LEKR1: variants seen among roughly 807,000 people sequenced by gnomAD.
LEKR1 encodes leucine, glutamate and lysine rich 1.
In LEKR1, 59 loss-of-function variants were observed where a neutral mutation model predicts 72.4. The ratio of observed to expected loss-of-function variants is 0.82; its 90% CI spans 0.66 to 1.01. The LOEUF (loss-of-function observed/expected upper bound fraction) is 1.01, where lower values mean the gene tolerates loss of function less well. Among genes scored for constraint, LEKR1 ranks in the 50% least tolerant of loss-of-function variants. LEKR1 has a pLI of 0.00. For synonymous variants in LEKR1, 257 were observed against 263.2 expected (o/e 0.98, Z 0.23); for missense variants, 728 against 759.2 (o/e 0.96, Z 0.48).
chr3:156,883,982 G>T (rs1218244214), intron 3 of LEKR1, among the ~76,000 whole-genome samples: 2 of 152,000 alleles, frequency 1.3e-5, no homozygotes, highest in Non-Finnish European at 2.9e-5. Context: ...TATATATTTA[G>T]GATTGTGATA....
At chr3:156,915,245 T>C (rs1723517028) in intron 3 of LEKR1, among the ~76,000 whole-genome samples, 1 of 152,168 alleles carries the variant, frequency 6.6e-6, no homozygotes, top group Non-Finnish European at 1.5e-5. Flanking sequence ...GGTAGAATAA[T>C]TTATATTCCT....
chr3:156,873,596 T>C (rs1005335862), intron 3 of LEKR1, among the ~76,000 whole-genome samples: 7 of 152,046 alleles, frequency 4.6e-5, no homozygotes, highest in African/African-American at 1.4e-4. Flanking sequence ...GGTTTTTATA[T>C]TTTGTGTGTG....
chr3:156,986,706 C>T (rs1268810217), intron 7 of LEKR1, among the ~76,000 whole-genome samples: 5 of 152,164 alleles, frequency 3.3e-5, no homozygotes, highest in African/African-American at 1.2e-4. Context: ...AGTTTCTTTT[C>T]TCTTTCTCTT....
chr3:157,045,219 G>C (rs1004304166), intron 12 of LEKR1, 121 bp from the exon 13 acceptor site: 3 of 742,550 alleles, frequency 4.0e-6, no homozygotes, highest in Non-Finnish European at 6.5e-6. Context: ...GAGTGTCATA[G>C]AGACAAAGAA....
intron 6 of LEKR1, among the ~76,000 whole-genome samples, chr3:156,952,469 G>A (rs182278959): frequency 6.6e-6 from 1 of 151,474 alleles, no homozygotes; most frequent in African/African-American, 2.4e-5. Flanking sequence ...CAAAAACGCT[G>A]TCAAAGCTAA....
rs1270549425 is a variant in LEKR1 at position 156,899,369 on chromosome 3, TACATATATAC to T, written c.264-21194_264-21185del. Among the ~76,000 whole-genome samples, 10 of 125,600 alleles carry T rather than the reference TACATATATAC, an allele frequency of 8.0e-5. No individual in the cohort carries two copies. The East Asian group carries it at 2.0e-3, about 25-fold the overall frequency. The allele number at this position is 125,600 out of a possible 152,430, so 82.4% of individuals were successfully genotyped here. On this transcript the variant is annotated intron_variant, in intron 3 of 12. Transcript: ENST00000356539. ...ATATATACATGTATATATACATATA[TACATATATAC>T]ACATATATACATGTATATATACATA...
intron 3 of LEKR1, among the ~76,000 whole-genome samples, chr3:156,905,497 C>T (rs1199565697): frequency 6.6e-6 from 1 of 152,152 alleles, no homozygotes; most frequent in Admixed American, 6.6e-5. Flanking sequence ...AATATTGCTA[C>T]TGTTCTATAC....
At chr3:156,832,742 C>T (rs905047872) in intron 2 of LEKR1, among the ~76,000 whole-genome samples, 37 of 152,222 alleles carry the variant, frequency 2.4e-4, no homozygotes, top group Non-Finnish European at 5.0e-4. Flanking sequence ...TTATTTACTA[C>T]GGGTTAGGAG....
chr3:156,950,204 C>T (rs1279601492), intron 6 of LEKR1, among the ~76,000 whole-genome samples: 1 of 150,740 alleles, frequency 6.6e-6, no homozygotes, highest in Non-Finnish European at 1.5e-5. Flanking sequence ...AGTTACTGCC[C>T]CTTTTTCATT....
chr3:156,989,178 G>T (rs946279905), intron 7 of LEKR1, among the ~76,000 whole-genome samples: 1 of 152,022 alleles, frequency 6.6e-6, no homozygotes. Flanking sequence ...TATCCTGGAC[G>T]TTTTTCCATG....
Position 156,852,987 on chromosome 3 carries a change from A to C in LEKR1, c.263+5A>C, listed in dbSNP as rs1334117316. 17 of 1,515,626 alleles carry C rather than the reference A, an allele frequency of 1.1e-5. No individual in the cohort carries two copies. Among genetic ancestry groups the C allele is most frequent in the Non-Finnish European group, 1.5e-5 (17 of 1,129,588 alleles). The allele number at this position is 1,515,626 out of a possible 1,614,324, so 93.9% of individuals were successfully genotyped here. A position where few individuals can be genotyped will look rare whatever the true frequency, so the allele number is the denominator to read the frequency against. On this transcript the variant is annotated splice_donor_5th_base_variant and intron_variant, in intron 3 of 12. Coordinates refer to ENST00000356539, the MANE Select transcript of LEKR1 (RefSeq NM_001004316.3). ...CAACAAATCCAAAACAGAAAGGTTG[A>C]GTATGTTTTTCTTTTCTATCATTTA...
At chr3:157,012,669 T>G (rs1330712728) in intron 10 of LEKR1, among the ~76,000 whole-genome samples, 5 of 152,060 alleles carry the variant, frequency 3.3e-5, no homozygotes, top group Non-Finnish European at 5.9e-5. Context: ...AGTCACGAAA[T>G]AATAAAAATG....
rs1448729478 is a variant in LEKR1, at chr3:156,961,709, G to C, written c.746-17485G>C. The stretch of plus-strand genomic sequence containing the variant: ...ACTGAGCTGGGATCCAAACAGTTCT[G>C]CTTTCTGGTACTGTTTAGGCCTTGT... On this transcript the variant is annotated intron_variant, in intron 6 of 12. Coordinates refer to ENST00000356539, the MANE Select transcript of LEKR1 (RefSeq NM_001004316.3). Among the ~76,000 whole-genome samples the C allele has an allele frequency of 2.0e-5, 3 of 152,134 alleles. No individual in the cohort carries two copies. In the East Asian group the frequency reaches 5.8e-4, roughly 29 times the overall value.
intron 6 of LEKR1, among the ~76,000 whole-genome samples, chr3:156,963,881 T>C (rs6807801): frequency 0.018 from 2,768 of 152,208 alleles, 94 homozygotes; most frequent in African/African-American, 0.062. Flanking sequence ...AGCATATACA[T>C]TGTTATCATT....
In LEKR1 at chr3:157,045,378, A is replaced by G. The variant is rs751139674; in HGVS notation, c.1707A>G (p.Glu569=). The G allele has an allele frequency of 6.2e-7, 1 of 1,614,080 alleles. No individual in the cohort carries two copies. Among genetic ancestry groups the G allele is most frequent in the East Asian group, 2.2e-5 (1 of 44,878 alleles). The stretch of plus-strand genomic sequence containing the variant: ...AGGAGACAGTGCGTAGAGAATGTGA[A>G]GAACGCTTTGAACTGACAGAGGCTT... The part of the protein sequence containing the change: ...FLQETVRREC[E]ERFELTEALS... Residue 569 remains glutamate (E), a synonymous_variant, in exon 13 of 13, where the codon GAA becomes GAG. Transcript: ENST00000356539.
At chr3:157,040,092 C>T (rs1735242987) in intron 12 of LEKR1, among the ~76,000 whole-genome samples, 1 of 151,868 alleles carries the variant, frequency 6.6e-6, no homozygotes. Context: ...GAAGGGGGCT[C>T]AGACTGGGAG....
At chr3:157,031,113 G>C (rs12636741) in intron 12 of LEKR1, among the ~76,000 whole-genome samples, 3 of 151,952 alleles carry the variant, frequency 2.0e-5, no homozygotes, top group Non-Finnish European at 2.9e-5. Context: ...CGTTTTAAAG[G>C]CTTCCAATCA....
At chr3:156,953,454 T>A (rs1727347006) in intron 6 of LEKR1, among the ~76,000 whole-genome samples, 1 of 151,666 alleles carries the variant, frequency 6.6e-6, no homozygotes, top group South Asian at 2.1e-4. Context: ...TCCTATCACC[T>A]AGGTATTAAG....
chr3:156,974,888 A>G (rs1272935910), intron 6 of LEKR1, among the ~76,000 whole-genome samples: 3 of 152,158 alleles, frequency 2.0e-5, no homozygotes, highest in Non-Finnish European at 4.4e-5. Context: ...CCATACAAAG[A>G]TAGCTACTGG....
Sources: allele counts gnomAD v4.1 joint callset (sites outside exome capture counted in the v4.1 genomes callset), GRCh38; gene constraint gnomAD v4.1.1; transcripts MANE v1.5; gene names NCBI Gene and HGNC (gene_info 2026-07-23, HGNC 2026-07-21).